The following PDXDC1 variants were observed in gnomAD, a reference collection of about 807,000 sequenced individuals.
The protein encoded by PDXDC1 is pyridoxal dependent decarboxylase domain containing 1.
PDXDC1 carries 42 observed loss-of-function variants against 100.1 expected under a neutral mutation model. That is an observed-to-expected ratio of 0.42 (90% CI 0.33 to 0.54). The LOEUF (loss-of-function observed/expected upper bound fraction) is 0.54, where lower values mean the gene tolerates loss of function less well. Ranked by LOEUF, PDXDC1 falls within the 20% of genes least tolerant of loss-of-function variation. PDXDC1 has a pLI of 0.10. For missense variants in PDXDC1, 636 were observed against 979.2 expected (o/e 0.65, Z 4.68); for synonymous variants, 260 against 371.7 (o/e 0.70, Z 3.46).
rs764513660 is a variant in PDXDC1, at chr16:15,028,983, C to T, written c.1293+17C>T. 3 of 1,608,814 alleles carry T rather than the reference C, an allele frequency of 1.9e-6. No individual in the cohort carries two copies. Among genetic ancestry groups the T allele is most frequent in the South Asian group, 1.1e-5 (1 of 90,836 alleles). The stretch of plus-strand genomic sequence containing the variant: ...AATCGCTGGGTGAGAATGGCAGTCA[C>T]CCCCCTTTCCTTTCAGGTCCCCGTC... On this transcript the variant is annotated intron_variant, in intron 15 of 22. Coordinates refer to ENST00000396410, the MANE Select transcript of PDXDC1 (RefSeq NM_015027.4).
At chr16:15,124,779 GC>G (rs774127690) in intron 16 of PDXDC1, among the ~76,000 whole-genome samples, 8 of 150,978 alleles carry the variant, frequency 5.3e-5, no homozygotes, top group Non-Finnish European at 7.4e-5. Context: ...CTCAAAAACA[GC>G]AACAACTACA....
chr16:15,029,903 G>C (rs759600912), intron 15 of PDXDC1, 48 bp from the exon 16 acceptor site: 55 of 1,516,372 alleles, frequency 3.6e-5, no homozygotes, highest in Non-Finnish European at 4.7e-5. Context: ...TCCTGAAGAC[G>C]TCTGAGTCCC....
At chr16:15,038,612 C>T, downstream of PDXDC1, 1 of 1,608,730 alleles carries the variant, frequency 6.2e-7, no homozygotes, top group East Asian at 2.2e-5. Context: ...AACCAGAAAT[C>T]CACATGTGGA....
intron 3 of PDXDC1, among the ~76,000 whole-genome samples, chr16:14,999,546 AAAT>A (rs1972713979): frequency 2.0e-5 from 3 of 152,232 alleles, no homozygotes; most frequent in South Asian, 4.1e-4. Context: ...CTATCAAATA[AAAT>A]AAAAGTGATA....
At chr16:15,047,623 GTCCCTC>G in intron 16 of PDXDC1, 1 of 1,134,938 alleles carries the variant, frequency 8.8e-7, no homozygotes, top group Non-Finnish European at 1.3e-6. Context: ...GACTCCGCCT[GTCCCTC>G]CGGACCGCCT....
intron 16 of PDXDC1, among the ~76,000 whole-genome samples, chr16:15,059,038 A>G (rs1465637600): frequency 6.6e-6 from 1 of 152,258 alleles, no homozygotes; most frequent in Non-Finnish European, 1.5e-5. Context: ...TGGATGTTCA[A>G]TTAGTTGAAA....
chr16:15,135,510 G>A (rs2048306735), intron 16 of PDXDC1: 20 of 1,137,738 alleles, frequency 1.8e-5, no homozygotes, highest in Non-Finnish European at 2.5e-5. Context: ...GAGACAGCGC[G>A]GGAGACCCCC....
intron 22 of PDXDC1, among the ~76,000 whole-genome samples, chr16:15,035,810 T>C (rs2043397487): frequency 6.6e-6 from 1 of 152,126 alleles, no homozygotes; most frequent in South Asian, 2.1e-4. Flanking sequence ...CTAATGAAGA[T>C]GACCTTAGAG....
downstream of PDXDC1, among the ~76,000 whole-genome samples, chr16:15,142,238 C>A (rs1021531049): frequency 1.3e-5 from 2 of 152,132 alleles, no homozygotes; most frequent in African/African-American, 4.8e-5. Flanking sequence ...ACCCCAGAGC[C>A]CCCCCGCTCC....
intron 16 of PDXDC1, among the ~76,000 whole-genome samples, chr16:15,109,856 A>AC (rs2046968331): frequency 1.0e-5 from 1 of 96,322 alleles, no homozygotes; most frequent in Non-Finnish European, 2.3e-5. Context: ...CTCAAAATTT[A>AC]AAAAAAAAAA....
chr16:15,119,496 G>A (rs1175280208), intron 16 of PDXDC1, among the ~76,000 whole-genome samples: 217 of 148,546 alleles, frequency 1.5e-3, no homozygotes, highest in African/African-American at 4.8e-3. Context: ...TCGGCTCGCT[G>A]CAACCTCCAG....
At position 15,034,490 on chromosome 16, in the gene PDXDC1, G is replaced by A. The variant is rs778292833; in HGVS notation, c.1939G>A (p.Val647Met). 44 of 1,614,142 alleles carry A rather than the reference G, an allele frequency of 2.7e-5. No individual in the cohort carries two copies. Among genetic ancestry groups the A allele is most frequent in the African/African-American group, 9.3e-5 (7 of 75,044 alleles). ...GCGGCAGATCCCTGTAGTGGGCTCC[G>A]TGCTGAATTGGTTTTCTCCGGTCCA... ...VLRQIPVVGS[V>M]LNWFSPVQAL... The change falls in exon 21 of 23, where the codon GTG becomes ATG. Residue 647 changes from valine to methionine, a missense_variant. Physicochemically the swap from Val to Met is conservative, Grantham distance 21. This residue lies in a region of PDXDC1 where 452 missense variants were observed against 402.9 expected (regional missense o/e 1.12). Transcript: ENST00000396410.
At chr16:15,108,123 T>C (rs975121659) in intron 16 of PDXDC1, 20 of 858,314 alleles carry the variant, frequency 2.3e-5, no homozygotes, top group Non-Finnish European at 2.8e-5. Flanking sequence ...AGGTGACAAC[T>C]GCAAACCATC....
At chr16:15,098,614 C>T (rs1313442388) in intron 16 of PDXDC1, among the ~76,000 whole-genome samples, 1 of 152,096 alleles carries the variant, frequency 6.6e-6, no homozygotes, top group African/African-American at 2.4e-5. Flanking sequence ...CATGGTGGCT[C>T]ACGCCTGTAA....
At chr16:15,013,391 G>C (rs1398452253) in intron 8 of PDXDC1, among the ~76,000 whole-genome samples, 2 of 151,022 alleles carry the variant, frequency 1.3e-5, no homozygotes, top group Non-Finnish European at 2.9e-5. Context: ...AAACTACAGT[G>C]ACAGAAGCAG....
downstream of PDXDC1, among the ~76,000 whole-genome samples, chr16:15,139,877 T>C (rs57244447): frequency 9.7e-3 from 1,477 of 151,508 alleles, 25 homozygotes; most frequent in African/African-American, 0.033. Flanking sequence ...GTGGGTGGAT[T>C]ATGAGATCAA....
chr16:15,006,098 G>A (rs1453402698), intron 5 of PDXDC1, among the ~76,000 whole-genome samples: 2 of 152,294 alleles, frequency 1.3e-5, no homozygotes, highest in East Asian at 1.9e-4. Flanking sequence ...TAATAAGCCA[G>A]AACCATGATC....
intron 16 of PDXDC1, among the ~76,000 whole-genome samples, chr16:15,097,760 C>T (rs1199567561): frequency 6.6e-6 from 1 of 152,024 alleles, no homozygotes; most frequent in Non-Finnish European, 1.5e-5. Context: ...CCACCTTCTA[C>T]CTGCTTTCCT....
At chr16:15,094,191 C>A (rs368096375) in intron 16 of PDXDC1, 1 of 1,600,676 alleles carries the variant, frequency 6.2e-7, no homozygotes, top group Admixed American at 1.7e-5. Flanking sequence ...GACGAAGCGG[C>A]CGCATCTCCC....
Sources: gnomAD v4.1 joint callset for allele counts (sites outside exome capture counted in the v4.1 genomes callset) on GRCh38, gnomAD v4.1.1 for gene constraint, gnomAD v4.1.1 regional missense constraint, MANE v1.5 for transcripts, NCBI Gene and HGNC (gene_info 2026-07-23, HGNC 2026-07-21) for gene names.